Variants in CENPW observed in about 807,000 individuals in gnomAD.
CENPW encodes cancer-up-regulated gene 2 protein.
CENPW carries 3 observed loss-of-function variants against 11.1 expected under a neutral mutation model. The observed-to-expected ratio is 0.27, with a 90% CI of 0.12 to 0.70. CENPW has a LOEUF of 0.70. CENPW is among the 30% of genes least tolerant of loss of function. CENPW has a pLI of 0.77. For synonymous variants in CENPW, 38 were observed against 42.0 expected, an observed-to-expected ratio of 0.91 and a Z score of 0.37; for missense variants, 100 against 105.6, an observed-to-expected ratio of 0.95 and a Z score of 0.23.
the CENPW span, among the ~76,000 whole-genome samples, chr6:126,434,773 A>G: frequency 6.6e-6 from 1 of 152,046 alleles, no homozygotes; most frequent in Admixed American, 6.6e-5. Flanking sequence ...ATAAGAAATT[A>G]TAACCCACAG....
At chr6:126,419,078 A>T in the CENPW span, among the ~76,000 whole-genome samples, 4 of 152,062 alleles carry the variant, frequency 2.6e-5, no homozygotes, top group African/African-American at 9.7e-5. Flanking sequence ...CTTAAAAAGT[A>T]TAATAAAATA....
At chr6:126,355,522 A>G in the CENPW span, among the ~76,000 whole-genome samples, 1 of 149,814 alleles carries the variant, frequency 6.7e-6, no homozygotes, top group Non-Finnish European at 1.5e-5. Context: ...GCTGTATTCC[A>G]TAACCTGAAG....
the CENPW span, among the ~76,000 whole-genome samples, chr6:126,461,686 C>A: frequency 3.3e-5 from 5 of 152,024 alleles, no homozygotes; most frequent in East Asian, 9.7e-4. Context: ...ACCATATTAT[C>A]TCTTTTGGCA....
At chr6:126,405,957 T>A in the CENPW span, among the ~76,000 whole-genome samples, 20 of 152,200 alleles carry the variant, frequency 1.3e-4, no homozygotes, top group African/African-American at 4.8e-4. Context: ...CAATTTGACT[T>A]CCTATTTCTC....
At chr6:126,409,607 C>T in the CENPW span, among the ~76,000 whole-genome samples, 1 of 151,880 alleles carries the variant, frequency 6.6e-6, no homozygotes, top group African/African-American at 2.4e-5. Flanking sequence ...TTCGTGCATA[C>T]ATATTCACAA....
the CENPW span, among the ~76,000 whole-genome samples, chr6:126,406,009 AGT>A: frequency 6.6e-6 from 1 of 152,122 alleles, no homozygotes; most frequent in Admixed American, 6.6e-5. Flanking sequence ...GAGTGGTGAA[AGT>A]GAGCATCCTT....
At chr6:126,340,719 A>G (rs555219719) in intron 1 of CENPW, among the ~76,000 whole-genome samples, 54 of 152,350 alleles carry the variant, frequency 3.5e-4, no homozygotes, top group African/African-American at 1.3e-3. Context: ...TGGCACCGTG[A>G]TTAATGTACT....
chr6:126,408,311 C>T, the CENPW span, among the ~76,000 whole-genome samples: 1 of 152,100 alleles, frequency 6.6e-6, no homozygotes, highest in Non-Finnish European at 1.5e-5. Flanking sequence ...CTGGGGAGGT[C>T]TCATAATCAA....
chr6:126,411,825 G>A, the CENPW span, among the ~76,000 whole-genome samples: 7 of 151,972 alleles, frequency 4.6e-5, no homozygotes, highest in Non-Finnish European at 8.8e-5. Context: ...ATTTTCTTAG[G>A]TTTTTGTTTA....
chr6:126,352,906 T>C (rs537491520), downstream of CENPW, among the ~76,000 whole-genome samples: 1 of 152,254 alleles, frequency 6.6e-6, no homozygotes, highest in Non-Finnish European at 1.5e-5. Flanking sequence ...ATTACTCTAG[T>C]TATACATTCT....
chr6:126,391,427 T>C, the CENPW span, among the ~76,000 whole-genome samples: 1 of 151,974 alleles, frequency 6.6e-6, no homozygotes, highest in African/African-American at 2.4e-5. Context: ...GGTTGCCTTT[T>C]TGACTTCACT....
chr6:126,453,728 G>A, the CENPW span, among the ~76,000 whole-genome samples: 8 of 151,002 alleles, frequency 5.3e-5, no homozygotes, highest in Admixed American at 1.3e-4. Context: ...AATATAAATG[G>A]GCTAAATGGC....
chr6:126,450,655 C>T, the CENPW span, among the ~76,000 whole-genome samples: 1,324 of 150,836 alleles, frequency 8.8e-3, 16 homozygotes, highest in South Asian at 0.036. Flanking sequence ...AAGGCATGCT[C>T]ATGTAGCTAT....
chr6:126,467,293 A>G, the CENPW span, among the ~76,000 whole-genome samples: 1 of 152,188 alleles, frequency 6.6e-6, no homozygotes, highest in African/African-American at 2.4e-5. Context: ...ACAAAACCAG[A>G]TACATAGACC....
the CENPW span, among the ~76,000 whole-genome samples, chr6:126,372,856 CT>C: frequency 6.6e-6 from 1 of 152,200 alleles, no homozygotes; most frequent in South Asian, 2.1e-4. Flanking sequence ...CATAAGTCCT[CT>C]AAAGTGCTTT....
the CENPW span, among the ~76,000 whole-genome samples, chr6:126,409,700 T>G: frequency 6.6e-6 from 1 of 152,082 alleles, no homozygotes; most frequent in Non-Finnish European, 1.5e-5. Flanking sequence ...ACTTAAAGCT[T>G]GTTTTATCCA....
At chr6:126,420,999 C>A in the CENPW span, among the ~76,000 whole-genome samples, 1 of 152,070 alleles carries the variant, frequency 6.6e-6, no homozygotes, top group South Asian at 2.1e-4. Flanking sequence ...AGAAGGTAGT[C>A]ATTCTTTGTT....
the CENPW span, among the ~76,000 whole-genome samples, chr6:126,427,853 A>G: frequency 6.6e-6 from 1 of 152,182 alleles, no homozygotes; most frequent in Non-Finnish European, 1.5e-5. Flanking sequence ...TGATGCCTGG[A>G]CTTCTTTAAA....
the CENPW span, among the ~76,000 whole-genome samples, chr6:126,361,425 A>T: frequency 6.6e-6 from 1 of 151,598 alleles, no homozygotes; most frequent in African/African-American, 2.4e-5. Flanking sequence ...CCTCCAGGGG[A>T]GCTGGGACTA....
Sources: gnomAD v4.1 joint callset for allele counts (sites outside exome capture counted in the v4.1 genomes callset) on GRCh38, gnomAD v4.1.1 for gene constraint, MANE v1.5 for transcripts, NCBI Gene and HGNC (gene_info 2026-07-23, HGNC 2026-07-21) for gene names.